PCDHA10: variants seen among roughly 807,000 people sequenced by gnomAD.
The protein encoded by PCDHA10 is protocadherin alpha-10.
Under a neutral mutation model 61.2 loss-of-function variants are expected in PCDHA10, and 45 were observed. That is an observed-to-expected ratio of 0.74 (90% CI 0.58 to 0.94). The LOEUF is 0.94. PCDHA10 is among the 40% of genes least tolerant of loss of function. The pLI, the probability that PCDHA10 is intolerant of heterozygous loss-of-function variation, is 0.00. For missense variants in PCDHA10, 1,278 were observed against 1,236.2 expected, an observed-to-expected ratio of 1.03 and a Z score of -0.51; for synonymous variants, 602 against 548.8, an observed-to-expected ratio of 1.10 and a Z score of -1.35.
At chr5:140,967,768 T>C in intron 1 of PCDHA10, 4 of 1,614,182 alleles carry the variant, frequency 2.5e-6, no homozygotes, top group African/African-American at 1.3e-5. Flanking sequence ...ACCAGATCTA[T>C]GTGCAGGCGA....
intron 1 of PCDHA10, among the ~76,000 whole-genome samples, chr5:140,954,580 T>C (rs1193569920): frequency 1.3e-5 from 2 of 152,174 alleles, no homozygotes; most frequent in African/African-American, 4.8e-5. Flanking sequence ...TTTTCAGAAG[T>C]GTCTGTTCAT....
chr5:140,926,414 A>C, intron 1 of PCDHA10: 1 of 152,834 alleles, frequency 6.5e-6, no homozygotes, highest in Non-Finnish European at 1.5e-5. Context: ...ATCTGCGGGC[A>C]GAGGATGTGG....
At chr5:141,005,696 C>A (rs1269379462) in intron 3 of PCDHA10, among the ~76,000 whole-genome samples, 1 of 105,034 alleles carries the variant, frequency 9.5e-6, no homozygotes, top group African/African-American at 4.2e-5. Flanking sequence ...AGCGAAACTC[C>A]GTCTCAAAAA....
At chr5:140,974,637 G>A (rs1054796505) in intron 1 of PCDHA10, among the ~76,000 whole-genome samples, 7 of 151,898 alleles carry the variant, frequency 4.6e-5, no homozygotes, top group South Asian at 2.1e-4. Context: ...TCAACCTCCC[G>A]AGTAGCTGAG....
chr5:140,995,073 CA>C (rs537697820), intron 3 of PCDHA10, among the ~76,000 whole-genome samples: 319 of 152,298 alleles, frequency 2.1e-3, no homozygotes, highest in African/African-American at 7.3e-3. Flanking sequence ...CAACCTACAG[CA>C]ATCCAAACTT....
chr5:140,885,465 C>T (rs1363216895), intron 1 of PCDHA10, among the ~76,000 whole-genome samples: 1 of 152,144 alleles, frequency 6.6e-6, no homozygotes, highest in Non-Finnish European at 1.5e-5. Context: ...TAATGATGGG[C>T]AATCACTTTG....
chr5:140,924,701 C>A (rs2081959929), intron 1 of PCDHA10, among the ~76,000 whole-genome samples: 1 of 152,008 alleles, frequency 6.6e-6, no homozygotes, highest in African/African-American at 2.4e-5. Flanking sequence ...TCGAGACCAG[C>A]TTGTGCAACA....
chr5:140,862,968 G>A (rs1554157319), intron 1 of PCDHA10: 1 of 544,810 alleles, frequency 1.8e-6, no homozygotes, highest in Non-Finnish European at 3.6e-6. Flanking sequence ...GTGGATGCAG[G>A]CCACTTGGTG....
intron 3 of PCDHA10, among the ~76,000 whole-genome samples, chr5:141,007,425 A>G (rs369535619): frequency 6.6e-4 from 98 of 148,834 alleles, no homozygotes; most frequent in African/African-American, 2.3e-3. Context: ...AAAATTAGCC[A>G]GGCATGGTGG....
At chr5:140,938,218 T>C (rs1050033125) in intron 1 of PCDHA10, among the ~76,000 whole-genome samples, 1 of 152,210 alleles carries the variant, frequency 6.6e-6, no homozygotes, top group Admixed American at 6.5e-5. Flanking sequence ...AGTGCTGGGA[T>C]TACAGGCATA....
intron 1 of PCDHA10, among the ~76,000 whole-genome samples, chr5:140,924,152 C>T (rs1163487854): frequency 6.6e-6 from 1 of 152,176 alleles, no homozygotes; most frequent in African/African-American, 2.4e-5. Context: ...TGAAGAAATG[C>T]ACATCCTAAT....
intron 1 of PCDHA10, chr5:140,863,282 A>T (rs782183211): frequency 6.8e-7 from 1 of 1,461,396 alleles, no homozygotes; most frequent in East Asian, 3.4e-5. Context: ...GTGGATGTCA[A>T]CGTGTACCTG....
intron 1 of PCDHA10, among the ~76,000 whole-genome samples, chr5:140,919,772 A>G (rs1421766938): frequency 6.6e-6 from 1 of 152,102 alleles, no homozygotes; most frequent in Non-Finnish European, 1.5e-5. Context: ...TATTACTGTT[A>G]CACATATTAC....
chr5:140,869,873 A>C, intron 1 of PCDHA10: 8 of 1,610,644 alleles, frequency 5.0e-6, no homozygotes, highest in Non-Finnish European at 6.8e-6. Flanking sequence ...AATGCTGCTA[A>C]AGAAACTCTT....
chr5:140,985,505 T>C (rs2097155238), intron 3 of PCDHA10, among the ~76,000 whole-genome samples: 1 of 152,188 alleles, frequency 6.6e-6, no homozygotes, highest in Non-Finnish European at 1.5e-5. Flanking sequence ...CTGCCTTTCA[T>C]TGATTCTGTT....
Position 140,994,560 on chromosome 5 carries a change from C to T in PCDHA10, c.2536+11997C>T, listed in dbSNP as rs140191916. Among the ~76,000 whole-genome samples, 970 of 152,032 alleles carry T rather than the reference C, an allele frequency of 6.4e-3. 14 individuals carry two copies. Among genetic ancestry groups the T allele is most frequent in the African/African-American group, 0.023 (943 of 41,474 alleles). On this transcript the variant is annotated intron_variant, in intron 3 of 3. Coordinates refer to ENST00000307360, the MANE Select transcript of PCDHA10 (RefSeq NM_018901.4). ...TCTACAAAAAAAATATAAAAATTAG[C>T]CGGGTGTGGTGGCATGCACTTGTAG...
At chr5:140,871,134 C>G in intron 1 of PCDHA10, 9 of 1,613,414 alleles carry the variant, frequency 5.6e-6, no homozygotes, top group Non-Finnish European at 6.8e-6. Flanking sequence ...CGCCAAAGGC[C>G]TCTTCCCGGA....
intron 1 of PCDHA10, chr5:140,967,975 T>C (rs781819149): frequency 3.2e-5 from 52 of 1,614,016 alleles, no homozygotes; most frequent in African/African-American, 5.3e-5. Context: ...TGAGCCTGGG[T>C]CTGGAGGCCA....
At chr5:140,969,606 C>T (rs2096345912) in intron 1 of PCDHA10, 1 of 758,598 alleles carries the variant, frequency 1.3e-6, no homozygotes, top group South Asian at 2.1e-5. Context: ...AATGCTAAAA[C>T]ACAGATTTGT....
Sources: allele counts gnomAD v4.1 joint callset (sites outside exome capture counted in the v4.1 genomes callset), GRCh38; gene constraint gnomAD v4.1.1; transcripts MANE v1.5; gene names NCBI Gene and HGNC (gene_info 2026-07-23, HGNC 2026-07-21).